ZNF804B: variants seen among roughly 807,000 people sequenced by gnomAD.
ZNF804B encodes zinc finger 804B.
ZNF804B carries 80 observed loss-of-function variants against 101.4 expected under a neutral mutation model. The observed-to-expected ratio is 0.79, with a 90% CI of 0.66 to 0.95. The LOEUF is 0.95. ZNF804B is among the 40% of genes least tolerant of loss of function. The probability of loss-of-function intolerance (pLI) is 0.00; values close to 1 mark genes in which losing one functional copy is unlikely to be tolerated. For missense variants in ZNF804B, 1,673 were observed against 1,561.9 expected, an observed-to-expected ratio of 1.07 and a Z score of -1.20; for synonymous variants, 622 against 558.8, an observed-to-expected ratio of 1.11 and a Z score of -1.59.
At chr7:89,129,948 C>T (rs901089744) in intron 1 of ZNF804B, among the ~76,000 whole-genome samples, 1 of 151,946 alleles carries the variant, frequency 6.6e-6, no homozygotes, top group East Asian at 1.9e-4. Context: ...ATTCATTATT[C>T]AGAGAAGAAT....
At chr7:89,064,742 G>A (rs1789431406) in intron 1 of ZNF804B, among the ~76,000 whole-genome samples, 1 of 152,086 alleles carries the variant, frequency 6.6e-6, no homozygotes, top group Non-Finnish European at 1.5e-5. Context: ...AGGCTTCCTT[G>A]TAATTATCTC....
intron 1 of ZNF804B, among the ~76,000 whole-genome samples, chr7:89,017,212 C>T (rs1788581439): frequency 6.6e-6 from 1 of 152,166 alleles, no homozygotes; most frequent in African/African-American, 2.4e-5. Context: ...GCTGAAGTTG[C>T]TTATCAGCGT....
chr7:89,165,510 A>C (rs1271414708), intron 1 of ZNF804B, among the ~76,000 whole-genome samples: 1 of 152,140 alleles, frequency 6.6e-6, no homozygotes, highest in African/African-American at 2.4e-5. Flanking sequence ...TTGTCAAAAA[A>C]TGTATATATG....
chr7:89,026,483 A>G (rs1170947150), intron 1 of ZNF804B, among the ~76,000 whole-genome samples: 1 of 152,202 alleles, frequency 6.6e-6, no homozygotes, highest in East Asian at 1.9e-4. Flanking sequence ...TTTGTAGAGA[A>G]TAAATTGAAG....
intron 1 of ZNF804B, among the ~76,000 whole-genome samples, chr7:89,088,484 C>G (rs1003198990): frequency 2.0e-5 from 3 of 151,370 alleles, no homozygotes; most frequent in Non-Finnish European, 4.4e-5. Context: ...TCAAAAAGAG[C>G]AAAGCAATGT....
At chr7:88,865,911 C>T (rs950323500) in intron 1 of ZNF804B, among the ~76,000 whole-genome samples, 2 of 152,232 alleles carry the variant, frequency 1.3e-5, no homozygotes, top group African/African-American at 4.8e-5. Context: ...CTGCCCTTCC[C>T]TGAATCATAA....
intron 2 of ZNF804B, among the ~76,000 whole-genome samples, chr7:89,228,298 A>G (rs1472711504): frequency 1.3e-5 from 2 of 152,144 alleles, no homozygotes; most frequent in East Asian, 1.9e-4. Context: ...ACAGTGTGGA[A>G]GGGGACCCCA....
rs187174365 is a variant in ZNF804B at position 88,919,855 on chromosome 7, T to A, written c.108+159771T>A. Among the ~76,000 whole-genome samples the A allele has an allele frequency of 5.6e-4, 85 of 152,206 alleles. 1 individual carries two copies. The highest frequency in any genetic ancestry group is 2.9e-5 in the Non-Finnish European group (2 of 67,964). ...TCTTATATCCTAATCATTACACAGT[T>A]CAGTAGAGAAGAAAAGTAGTTGAAT... On this transcript the variant is annotated intron_variant, in intron 1 of 3. Transcript: ENST00000333190.
chr7:89,145,505 AG>A (rs1335007397), intron 1 of ZNF804B, among the ~76,000 whole-genome samples: 1 of 152,058 alleles, frequency 6.6e-6, no homozygotes, highest in East Asian at 1.9e-4. Flanking sequence ...GTACTGTGCT[AG>A]GCAAGAGCAG....
intron 1 of ZNF804B, among the ~76,000 whole-genome samples, chr7:88,977,907 C>T (rs981938935): frequency 2.0e-5 from 3 of 151,482 alleles, no homozygotes; most frequent in South Asian, 4.2e-4. Flanking sequence ...TCTCTGTACT[C>T]CATAGATTTT....
chr7:88,965,051 A>G (rs1793435125), intron 1 of ZNF804B, among the ~76,000 whole-genome samples: 1 of 151,476 alleles, frequency 6.6e-6, no homozygotes. Flanking sequence ...TATTGTTTTA[A>G]TAACCCAGGA....
At chr7:88,789,953 T>C (rs917339042) in intron 1 of ZNF804B, among the ~76,000 whole-genome samples, 2 of 152,092 alleles carry the variant, frequency 1.3e-5, no homozygotes, top group African/African-American at 4.8e-5. Flanking sequence ...CTGGAAGAGT[T>C]TTTCCTTTCA....
At chr7:88,962,517 A>T (rs1252235671) in intron 1 of ZNF804B, among the ~76,000 whole-genome samples, 1 of 150,724 alleles carries the variant, frequency 6.6e-6, no homozygotes, top group East Asian at 2.0e-4. Flanking sequence ...GTGGCTGCGA[A>T]TCGATAATTA....
chr7:88,988,414 A>G (rs568439422), intron 1 of ZNF804B, among the ~76,000 whole-genome samples: 4 of 152,228 alleles, frequency 2.6e-5, no homozygotes, highest in African/African-American at 7.2e-5. Context: ...TTTGCATATA[A>G]TGACACTTGA....
chr7:89,278,534 G>A (rs879604140), intron 2 of ZNF804B, among the ~76,000 whole-genome samples: 2 of 151,890 alleles, frequency 1.3e-5, no homozygotes, highest in Admixed American at 6.6e-5. Flanking sequence ...TGTATAAGGT[G>A]TAAGGAAGGG....
chr7:88,927,824 T>C (rs577620800), intron 1 of ZNF804B, among the ~76,000 whole-genome samples: 1 of 152,288 alleles, frequency 6.6e-6, no homozygotes, highest in African/African-American at 2.4e-5. Context: ...ATAAACTGTA[T>C]TCCTACCTTG....
At chr7:89,155,494 A>T (rs1294145437) in intron 1 of ZNF804B, among the ~76,000 whole-genome samples, 1 of 152,246 alleles carries the variant, frequency 6.6e-6, no homozygotes, top group East Asian at 1.9e-4. Flanking sequence ...TTCAAACCTT[A>T]TATCCTCAGA....
intron 1 of ZNF804B, among the ~76,000 whole-genome samples, chr7:88,833,241 T>C (rs918862901): frequency 2.6e-5 from 4 of 151,964 alleles, no homozygotes; most frequent in African/African-American, 9.7e-5. Flanking sequence ...AGGTTTGTTT[T>C]TCTAACTAGT....
intron 1 of ZNF804B, among the ~76,000 whole-genome samples, chr7:89,192,412 C>A (rs1401056933): frequency 1.3e-5 from 2 of 150,510 alleles, no homozygotes; most frequent in Admixed American, 6.6e-5. Flanking sequence ...GAATGCCATT[C>A]AACAATGGAA....
Sources: gnomAD v4.1 joint callset for allele counts (sites outside exome capture counted in the v4.1 genomes callset) on GRCh38, gnomAD v4.1.1 for gene constraint, MANE v1.5 for transcripts, NCBI Gene and HGNC (gene_info 2026-07-23, HGNC 2026-07-21) for gene names.